The following TRIM16 variants were observed in gnomAD, a reference collection of about 807,000 sequenced individuals.
The protein encoded by TRIM16 is tripartite motif containing 16, also known as tripartite motif-containing protein 16.
TRIM16 carries 33 observed loss-of-function variants against 50.4 expected under a neutral mutation model. That is an observed-to-expected ratio of 0.65 (90% CI 0.50 to 0.88). The LOEUF (loss-of-function observed/expected upper bound fraction) is 0.88. TRIM16 is among the 40% of genes least tolerant of loss of function. The pLI, the probability that TRIM16 is intolerant of heterozygous loss-of-function variation, is 0.00. For missense variants in TRIM16, 581 were observed against 686.8 expected (o/e 0.85, Z 1.72); for synonymous variants, 229 against 270.7 (o/e 0.85, Z 1.51).
At position 15,651,392 on chromosome 17, in the gene TRIM16, T is replaced by C; in HGVS notation, c.218A>G (p.Lys73Arg). ...AAGGCAGAAGTCACACAGGACCTCTTTCCCCTCACCAGCAGGATCCCCCTG... is the reference window on the plus strand; with the variant it reads ...AAGGCAGAAGTCACACAGGACCTCTCTCCCCTCACCAGCAGGATCCCCCTG... The part of the protein sequence containing the change: ...AEQGDPAGEG[K>R]EVLCDFCLDD... Residue 73 changes from lysine (K) to arginine (R), a missense_variant, in exon 7 of 12, where the codon AAA becomes AGA. Coordinates refer to ENST00000649191, the MANE Select transcript of TRIM16 (RefSeq NM_001348119.1). 6.2e-7 allele frequency: 1 copy of C among 1,614,212 alleles called. No individual in the cohort carries two copies. Among genetic ancestry groups the C allele is most frequent in the Non-Finnish European group, 8.5e-7 (1 of 1,180,034 alleles).
At chr17:15,649,862 A>G (rs1300763647) in intron 7 of TRIM16, among the ~76,000 whole-genome samples, 1 of 152,182 alleles carries the variant, frequency 6.6e-6, no homozygotes, top group Non-Finnish European at 1.5e-5. Context: ...AAATCCACAA[A>G]AAGCATTCAG....
At chr17:15,637,265 A>AG (rs1986832258) in intron 8 of TRIM16, among the ~76,000 whole-genome samples, 2 of 99,184 alleles carry the variant, frequency 2.0e-5, no homozygotes, top group African/African-American at 8.6e-5. Flanking sequence ...CCGGGAGGTG[A>AG]GGGGCGCCTC....
chr17:15,652,147 TTTC>T (rs1313664416), intron 6 of TRIM16: 2 of 178,894 alleles, frequency 1.1e-5, no homozygotes, highest in Admixed American at 6.8e-5. Flanking sequence ...TTTCTTTTCT[TTTC>T]TTTTTTTTTT....
In TRIM16 at chr17:15,677,533, T is replaced by C. The variant is rs545680129; in HGVS notation, c.-443+42A>G. 350 of 1,034,502 alleles carry C rather than the reference T, an allele frequency of 3.4e-4. 1 individual carries two copies. The highest frequency in any genetic ancestry group is 2.6e-3 in the Middle Eastern group (9 of 3,440). The allele number at this position is 1,034,502 out of a possible 1,614,324, so 64.1% of individuals were successfully genotyped here. A position where few individuals can be genotyped will look rare whatever the true frequency, so the allele number is the denominator to read the frequency against. ...CAAGGGAATCTTTAGAAGGCAAAGG[T>C]ATCCTGAAAGGTCAATCTGGGGTGG... On this transcript the variant is annotated intron_variant, in intron 5 of 11. Transcript: ENST00000649191.
At chr17:15,661,145 C>T (rs1310717538) in intron 6 of TRIM16, among the ~76,000 whole-genome samples, 1 of 152,226 alleles carries the variant, frequency 6.6e-6, no homozygotes, top group Non-Finnish European at 1.5e-5. Flanking sequence ...TTGTAAGTAG[C>T]TTACCTCTCT....
Position 15,629,146 on chromosome 17 carries a change from C to T in TRIM16, c.1164G>A (p.Leu388=). ...DPDTAHKYLR[L]QEENRKVTNT... ...TGGTGACCTTGCGGTTCTCCTCCTG[C>T]AGCCGGAGATACTTGTGTGCTGTGT... The change falls in exon 12 of 12, where the codon CTG becomes CTA. Residue 388 remains leucine, a synonymous_variant. Transcript: ENST00000649191. 2 of 1,612,758 alleles carry T rather than the reference C, an allele frequency of 1.2e-6. No individual in the cohort carries two copies. Among genetic ancestry groups the T allele is most frequent in the Non-Finnish European group, 1.7e-6 (2 of 1,179,180 alleles).
At chr17:15,666,143 G>A (rs1988490044) in intron 6 of TRIM16, among the ~76,000 whole-genome samples, 1 of 152,124 alleles carries the variant, frequency 6.6e-6, no homozygotes, top group Non-Finnish European at 1.5e-5. Context: ...TCTCTCGCCT[G>A]GATTATGGCA....
intron 9 of TRIM16, among the ~76,000 whole-genome samples, chr17:15,634,830 C>A (rs1470207629): frequency 6.7e-6 from 1 of 148,368 alleles, no homozygotes; most frequent in Admixed American, 6.7e-5. Flanking sequence ...CACACACACA[C>A]AAAAATAAAT....
intron 6 of TRIM16, among the ~76,000 whole-genome samples, chr17:15,671,085 TAC>T (rs1454701529): frequency 6.6e-6 from 1 of 152,290 alleles, no homozygotes; most frequent in Non-Finnish European, 1.5e-5. Flanking sequence ...TATCTTCTGA[TAC>T]AGTCAACTTT....
chr17:15,677,815 T>G (rs1989011101), intron 4 of TRIM16, 94 bp from the exon 5 acceptor site: 1 of 928,458 alleles, frequency 1.1e-6, no homozygotes, highest in Admixed American at 6.2e-5. Flanking sequence ...AAGACAAGAT[T>G]TTATTGACTC....
rs558765410 is a variant in TRIM16 at position 15,647,816 on chromosome 17, T to TACACACACACACACAC, written c.519+3259_519+3274dup. On this transcript the variant is annotated intron_variant, in intron 7 of 11. Transcript: ENST00000649191. The stretch of plus-strand genomic sequence containing the variant: ...AGTCATAGAAGGAGTCCAGATTTCA[T>TACACACACACACACAC]ACACACACACACACACACACACACA... Among the ~76,000 whole-genome samples, 460 of 139,002 alleles carry TACACACACACACACAC rather than the reference T, an allele frequency of 3.3e-3. 4 individuals are homozygous for TACACACACACACACAC. Among genetic ancestry groups the TACACACACACACACAC allele is most frequent in the African/African-American group, 8.1e-3 (292 of 36,118 alleles). 91.2% of individuals were successfully genotyped at this position (139,002 alleles called of 152,430 possible).
At chr17:15,639,303 C>T (rs1428057917) in intron 8 of TRIM16, among the ~76,000 whole-genome samples, 2 of 147,104 alleles carry the variant, frequency 1.4e-5, no homozygotes, top group Admixed American at 6.7e-5. Context: ...TCCTTGGCCT[C>T]CCAAAGTGCT....
chr17:15,679,401 T>C (rs1156333524), intron 4 of TRIM16, among the ~76,000 whole-genome samples: 1 of 152,062 alleles, frequency 6.6e-6, no homozygotes, highest in Non-Finnish European at 1.5e-5. Context: ...TGCAGAAATC[T>C]GAGGCCTCAC....
At chr17:15,637,398 G>A (rs1986848260) in intron 8 of TRIM16, among the ~76,000 whole-genome samples, 1 of 120,066 alleles carries the variant, frequency 8.3e-6, no homozygotes, top group African/African-American at 3.5e-5. Flanking sequence ...AGGGAGGTGG[G>A]GGGGTCAGCC....
intron 9 of TRIM16, among the ~76,000 whole-genome samples, chr17:15,635,070 ATTT>A (rs938386582): frequency 6.8e-6 from 1 of 147,382 alleles, no homozygotes; most frequent in Non-Finnish European, 1.5e-5. Context: ...AGGATTATGG[ATTT>A]TTTTTCTTCT....
chr17:15,672,892 T>C (rs776955221), intron 6 of TRIM16, among the ~76,000 whole-genome samples: 57 of 152,238 alleles, frequency 3.7e-4, no homozygotes, highest in Non-Finnish European at 7.3e-4. Context: ...ATTTCATCAC[T>C]ATAATGTCCT....
At chr17:15,658,729 CAA>C (rs1281496013) in intron 6 of TRIM16, 32 of 898,428 alleles carry the variant, frequency 3.6e-5, no homozygotes, top group Non-Finnish European at 4.1e-5. Flanking sequence ...CGTAAAATCT[CAA>C]AGTCTGAGAA....
At chr17:15,654,518 A>G (rs1171599188) in intron 6 of TRIM16, 2 of 152,228 alleles carry the variant, frequency 1.3e-5, no homozygotes, top group Non-Finnish European at 2.9e-5. Flanking sequence ...CCTGAGGAAG[A>G]GAAAGAGCTG....
At chr17:15,664,013 T>TA (rs1988364625) in intron 6 of TRIM16, among the ~76,000 whole-genome samples, 1 of 152,166 alleles carries the variant, frequency 6.6e-6, no homozygotes, top group African/African-American at 2.4e-5. Context: ...AAATGGGGTT[T>TA]AAAAATGAAG....
Sources: allele counts gnomAD v4.1 joint callset (sites outside exome capture counted in the v4.1 genomes callset), GRCh38; gene constraint gnomAD v4.1.1; transcripts MANE v1.5; gene names NCBI Gene and HGNC (gene_info 2026-07-23, HGNC 2026-07-21).